The following TMEM120B variants were observed in gnomAD, a reference collection of about 807,000 sequenced individuals.
TMEM120B encodes transmembrane protein 120B.
A neutral mutation model predicts 55.5 loss-of-function variants in TMEM120B; 31 were observed. That is an observed-to-expected ratio of 0.56 (90% CI 0.42 to 0.75). TMEM120B has a LOEUF of 0.75. Ranked by LOEUF, TMEM120B falls within the 30% of genes least tolerant of loss-of-function variation. The pLI is 0.00. For missense variants in TMEM120B, 399 were observed against 425.5 expected (o/e 0.94, Z 0.55); for synonymous variants, 203 against 176.3 (o/e 1.15, Z -1.20).
chr12:121,725,168 G>A (rs912468443), intron 1 of TMEM120B, among the ~76,000 whole-genome samples: 1 of 152,126 alleles, frequency 6.6e-6, no homozygotes, highest in Non-Finnish European at 1.5e-5. Context: ...GATTGGCTTT[G>A]AAGTAGGCAG....
chr12:121,752,035 G>A (rs1413904541), intron 4 of TMEM120B, 93 bp from the exon 5 acceptor site: 5 of 1,047,226 alleles, frequency 4.8e-6, no homozygotes, highest in Non-Finnish European at 7.3e-6. Flanking sequence ...GGCAGTGGCT[G>A]AAGGACAAGG....
At chr12:121,720,279 C>CTCAGAATCTGTCCCGCACAGGACG (rs1233777748) in intron 1 of TMEM120B, among the ~76,000 whole-genome samples, 5 of 152,214 alleles carry the variant, frequency 3.3e-5, no homozygotes, top group African/African-American at 1.2e-4. Context: ...TGACACATGA[C>CTCAGAATCTGTCCCGCACAGGACG]TCAGAATCTG....
Position 121,773,495 on chromosome 12 carries a change from C to T in TMEM120B, c.754C>T (p.His252Tyr). 1 of 1,601,274 alleles carries T rather than the reference C, an allele frequency of 6.2e-7. No individual in the cohort carries two copies. The highest frequency in any genetic ancestry group is 8.5e-7 in the Non-Finnish European group (1 of 1,173,066). Reference protein sequence around the residue: ...YRLRALGERNHLDLTVEGFQS... With the variant: ...YRLRALGERNYLDLTVEGFQS... ...GCTGCGGGCCCTGGGGGAGAGGAACCACCTGGATCTCACAGTGGGTGAGTA... is the reference window on the plus strand; with the variant it reads ...GCTGCGGGCCCTGGGGGAGAGGAACTACCTGGATCTCACAGTGGGTGAGTA... The change falls in exon 9 of 12, where the codon CAC becomes TAC. Residue 252 changes from histidine to tyrosine, a missense_variant. Physicochemically the swap from His to Tyr is moderately conservative, Grantham distance 83. This residue lies in a region of TMEM120B where 260 missense variants were observed against 303.9 expected (regional missense o/e 0.86). Transcript: ENST00000449592.
chr12:121,762,886 C>T (rs1873725156), intron 6 of TMEM120B, among the ~76,000 whole-genome samples: 2 of 152,170 alleles, frequency 1.3e-5, no homozygotes, highest in African/African-American at 2.4e-5. Flanking sequence ...GCCATGTATC[C>T]TCTTTGGACT....
chr12:121,745,004 C>T (rs1385275829), intron 2 of TMEM120B, among the ~76,000 whole-genome samples: 1 of 152,090 alleles, frequency 6.6e-6, no homozygotes, highest in African/African-American at 2.4e-5. Flanking sequence ...GGGCACATGG[C>T]GAACCCCAGC....
In TMEM120B at chr12:121,729,086, G is replaced by T. The variant is rs959472929; in HGVS notation, c.70-14543G>T. On this transcript the variant is annotated intron_variant, in intron 1 of 11. Coordinates refer to ENST00000449592, the MANE Select transcript of TMEM120B (RefSeq NM_001080825.2). ...AACCCTGCTTCTAGCCACATTTCAT[G>T]GACTGAGTGTGGCAGAGGGATGGGT... Among the ~76,000 whole-genome samples, 7 of 152,322 alleles carry T rather than the reference G, an allele frequency of 4.6e-5. No homozygotes were observed. The South Asian group carries it at 1.0e-3, about 23-fold the overall frequency.
chr12:121,732,056 G>A (rs1895013356), intron 1 of TMEM120B, among the ~76,000 whole-genome samples: 1 of 152,172 alleles, frequency 6.6e-6, no homozygotes. Flanking sequence ...AGAATCTCTT[G>A]AACCCAAAAG....
At chr12:121,730,803 C>T (rs368791882) in intron 1 of TMEM120B, among the ~76,000 whole-genome samples, 1 of 151,626 alleles carries the variant, frequency 6.6e-6, no homozygotes, top group African/African-American at 2.4e-5. Context: ...ACTAAAAATA[C>T]AAAAATTAGC....
intron 1 of TMEM120B, among the ~76,000 whole-genome samples, chr12:121,741,288 G>C (rs1361213116): frequency 6.6e-6 from 1 of 152,100 alleles, no homozygotes; most frequent in Non-Finnish European, 1.5e-5. Flanking sequence ...CGAGTTCTTT[G>C]TATTGTTTTT....
intron 1 of TMEM120B, among the ~76,000 whole-genome samples, chr12:121,737,276 G>A (rs1872776301): frequency 1.3e-5 from 2 of 152,040 alleles, no homozygotes; most frequent in Admixed American, 6.6e-5. Flanking sequence ...AGGCCGAGGT[G>A]GGCGGATTAC....
At chr12:121,744,275 T>C (rs1218334170) in intron 2 of TMEM120B, among the ~76,000 whole-genome samples, 3 of 152,184 alleles carry the variant, frequency 2.0e-5, no homozygotes, top group Non-Finnish European at 4.4e-5. Context: ...TCAGTCCTCA[T>C]TGGCTGGGAT....
At position 121,779,279 on chromosome 12, in the gene TMEM120B, G is replaced by C; in HGVS notation, c.*3557G>C. ...GTCCCGACAACAGACACTGGCTCCT[G>C]CACCCACATCACCACCATGTCCCAG... On this transcript the variant is annotated 3_prime_UTR_variant, in exon 12 of 12. Coordinates refer to ENST00000449592, the MANE Select transcript of TMEM120B (RefSeq NM_001080825.2). The C allele has an allele frequency of 1.7e-6, 1 of 589,198 alleles. No individual in the cohort carries two copies. The highest frequency in any genetic ancestry group is 3.0e-6 in the Non-Finnish European group (1 of 332,988). 36.5% of individuals were successfully genotyped at this position (589,198 alleles called of 1,614,324 possible). A position where few individuals can be genotyped will look rare whatever the true frequency, so the allele number is the denominator to read the frequency against.
intron 6 of TMEM120B, among the ~76,000 whole-genome samples, chr12:121,769,739 C>T (rs908442167): frequency 7.4e-4 from 36 of 48,426 alleles, no homozygotes; most frequent in African/African-American, 2.2e-3. Context: ...TGTGTGTGTA[C>T]ATGCATGCTT....
intron 6 of TMEM120B, among the ~76,000 whole-genome samples, chr12:121,769,903 T>C (rs767976017): frequency 7.2e-5 from 11 of 152,036 alleles, no homozygotes; most frequent in Non-Finnish European, 1.3e-4. Context: ...CAGACAGTGA[T>C]CCATGCCATG....
In TMEM120B at chr12:121,781,625, C is replaced by T; in HGVS notation, c.*5903C>T. ...TGATGCCGATAGCCAGTGTGATCCCCCTGCCCTGATGGTCAAGGGCAGAGT... is the reference window on the plus strand; with the variant it reads ...TGATGCCGATAGCCAGTGTGATCCCTCTGCCCTGATGGTCAAGGGCAGAGT... On this transcript the variant is annotated 3_prime_UTR_variant, in exon 12 of 12. Transcript: ENST00000449592. 1 of 192,168 alleles carries T rather than the reference C, an allele frequency of 5.2e-6. No homozygotes were observed. The highest frequency in any genetic ancestry group is 1.1e-5 in the Non-Finnish European group (1 of 90,844). 11.9% of individuals were successfully genotyped at this position (192,168 alleles called of 1,614,324 possible).
intron 8 of TMEM120B, among the ~76,000 whole-genome samples, chr12:121,771,923 G>C (rs1320483655): frequency 6.6e-6 from 1 of 152,118 alleles, no homozygotes; most frequent in Non-Finnish European, 1.5e-5. Context: ...GTTGCCTCTG[G>C]GGAAGGGGGC....
At position 121,775,668 on chromosome 12, in the gene TMEM120B, C is replaced by G. The variant is rs200447471; in HGVS notation, c.966C>G (p.Leu322=). 3,776 of 1,614,076 alleles carry G rather than the reference C, an allele frequency of 2.3e-3. 5 individuals are homozygous for G. Among genetic ancestry groups the G allele is most frequent in the Non-Finnish European group, 2.9e-3 (3,447 of 1,179,980 alleles). Residue 322 remains leucine (L), a synonymous_variant, in exon 12 of 12, where the codon CTC becomes CTG. Coordinates refer to ENST00000449592, the MANE Select transcript of TMEM120B (RefSeq NM_001080825.2). The surrounding 1 kb of genome is among the most constrained non-coding windows in gnomAD (Gnocchi z 4.3). ...ILFLGNFLTT[L]KVVHAKLQKN... ...TCCTCGGCAACTTCCTGACCACGCT[C>G]AAAGTCGTGCATGCCAAGCTCCAGA...
At chr12:121,764,756 A>T (rs1304305003) in intron 6 of TMEM120B, among the ~76,000 whole-genome samples, 1 of 151,962 alleles carries the variant, frequency 6.6e-6, no homozygotes, top group Non-Finnish European at 1.5e-5. Flanking sequence ...GACGCTGTGG[A>T]TGGGGGGCGA....
chr12:121,765,490 A>C (rs1295558710), intron 6 of TMEM120B, among the ~76,000 whole-genome samples: 1 of 152,100 alleles, frequency 6.6e-6, no homozygotes, highest in African/African-American at 2.4e-5. Flanking sequence ...TTGAGGTTGC[A>C]ATGGAACCAT....
Sources: gnomAD v4.1 joint callset for allele counts (sites outside exome capture counted in the v4.1 genomes callset) on GRCh38, gnomAD v4.1.1 for gene constraint, gnomAD v4.1.1 regional missense constraint, Gnocchi (gnomAD v3.1) non-coding constraint, MANE v1.5 for transcripts, NCBI Gene and HGNC (gene_info 2026-07-23, HGNC 2026-07-21) for gene names.